The following RAD51D variants were observed in gnomAD, a reference collection of about 807,000 sequenced individuals.
RAD51D encodes the protein DNA repair protein RAD51 homolog 4.
In RAD51D, 38 loss-of-function variants were observed where a neutral mutation model predicts 44.1. The ratio of observed to expected loss-of-function variants is 0.86; its 90% CI spans 0.67 to 1.13. The LOEUF (loss-of-function observed/expected upper bound fraction) is 1.13, where lower values mean the gene tolerates loss of function less well. Ranked by LOEUF, RAD51D falls within the 50% of genes most tolerant of loss-of-function variation. The probability of loss-of-function intolerance (pLI) is 0.00; values close to 1 mark genes in which losing one functional copy is unlikely to be tolerated. For synonymous variants in RAD51D, 141 were observed against 166.6 expected, an observed-to-expected ratio of 0.85 and a Z score of 1.18; for missense variants, 390 against 414.0, an observed-to-expected ratio of 0.94 and a Z score of 0.50.
At chr17:35,108,497 T>TAAA (rs900458144) in intron 3 of RAD51D, among the ~76,000 whole-genome samples, 6 of 78,430 alleles carry the variant, frequency 7.7e-5, no homozygotes, top group South Asian at 4.3e-4. Context: ...CTTTTCTCTT[T>TAAA]AAAAAAAAAA....
chr17:35,096,513 T>C lies in RAD51D; in HGVS notation c.*4440A>G, dbSNP rs2091486511. ...AGAAGGATGCAAAGGCTCTACGCCA[T>C]TTGACAATGAGCCACTAAATTAACA... is the stretch of plus-strand genomic sequence containing the variant. On this transcript the variant is annotated 3_prime_UTR_variant, in exon 10 of 10. Transcript: ENST00000345365. 6.6e-6 allele frequency: 1 copy of C among 152,216 alleles called. No individual in the cohort carries two copies. The highest frequency in any genetic ancestry group is 6.5e-5 in the Admixed American group (1 of 15,276). The allele number at this position is 152,216 out of a possible 1,614,324, so 9.4% of individuals were successfully genotyped here. A position where few individuals can be genotyped will look rare whatever the true frequency, so the allele number is the denominator to read the frequency against.
rs374761868 is a variant in RAD51D, at chr17:35,103,240, G to A, written c.738+14C>T. The stretch of plus-strand genomic sequence containing the variant: ...ACTAGAAATCAAGTTCATTGGCCAA[G>A]CCTGCTTCCTCACCACCACTGCCAT... On this transcript the variant is annotated intron_variant, in intron 8 of 9. Transcript: ENST00000345365. The surrounding 1 kb of genome is among the most constrained non-coding windows in gnomAD (Gnocchi z 4.1). 8.7e-6 allele frequency: 14 copies of A among 1,603,004 alleles called. No homozygotes were observed. In the East Asian group the frequency reaches 3.1e-4, roughly 36 times the overall value.
chr17:35,117,679 G>A (rs1334517969), intron 3 of RAD51D, among the ~76,000 whole-genome samples: 3 of 152,096 alleles, frequency 2.0e-5, no homozygotes, highest in East Asian at 3.9e-4. Flanking sequence ...TAGTAGAGAC[G>A]GGGTTTCATC....
chr17:35,109,137 G>A (rs1447566938), intron 3 of RAD51D, among the ~76,000 whole-genome samples: 2 of 152,122 alleles, frequency 1.3e-5, no homozygotes, highest in East Asian at 3.8e-4. Flanking sequence ...AAAGTGCGGG[G>A]ATTACAGACA....
intron 3 of RAD51D, among the ~76,000 whole-genome samples, chr17:35,107,798 G>A (rs1403655662): frequency 7.2e-6 from 1 of 139,510 alleles, no homozygotes; most frequent in Non-Finnish European, 1.5e-5. Context: ...CCAGGCCGGA[G>A]TGCTGGAGTG....
In RAD51D at chr17:35,099,707, A is replaced by G. The variant is rs2091512530; in HGVS notation, c.*1246T>C. 5.1e-6 allele frequency: 2 copies of G among 393,006 alleles called. No individual in the cohort carries two copies. Among genetic ancestry groups the G allele is most frequent in the Admixed American group, 3.5e-5 (1 of 28,306 alleles). The allele number at this position is 393,006 out of a possible 1,614,324, so 24.3% of individuals were successfully genotyped here. A position where few individuals can be genotyped will look rare whatever the true frequency, so the allele number is the denominator to read the frequency against. On this transcript the variant is annotated 3_prime_UTR_variant, in exon 10 of 10. Coordinates refer to ENST00000345365, the MANE Select transcript of RAD51D (RefSeq NM_002878.4). ...GACCCTCCTTTCCTGCAGCCAAGAC[A>G]TAACTGATTAATTACACAACAGGCT...
At chr17:35,107,505 G>C (rs1326604255) in intron 3 of RAD51D, 58 bp from the exon 4 acceptor site, 16 of 1,347,910 alleles carry the variant, frequency 1.2e-5, no homozygotes, top group Non-Finnish European at 1.7e-5. Flanking sequence ...CAGGGGAAAA[G>C]GTACCAAGAA....
chr17:35,108,650 C>A (rs2142441689), intron 3 of RAD51D, among the ~76,000 whole-genome samples: 1 of 152,098 alleles, frequency 6.6e-6, no homozygotes, highest in South Asian at 2.1e-4. Flanking sequence ...GCCATTTTAT[C>A]ACATATGTAG....
At chr17:35,102,154 A>G (rs2091546548) in intron 8 of RAD51D, among the ~76,000 whole-genome samples, 1 of 152,038 alleles carries the variant, frequency 6.6e-6, no homozygotes, top group Non-Finnish European at 1.5e-5. Flanking sequence ...AAATGGACTC[A>G]GATGGTATTT....
intron 3 of RAD51D, among the ~76,000 whole-genome samples, chr17:35,112,059 T>C (rs2091684270): frequency 6.6e-6 from 1 of 152,218 alleles, no homozygotes; most frequent in African/African-American, 2.4e-5. Flanking sequence ...TAAATGGCAT[T>C]GTGTTTTTGT....
rs535814906 is a variant in RAD51D, at chr17:35,095,820, G to A, written c.*5133C>T. 1 of 152,212 alleles carries A rather than the reference G, an allele frequency of 6.6e-6. No individual in the cohort carries two copies. Among genetic ancestry groups the A allele is most frequent in the African/African-American group, 2.4e-5 (1 of 41,520 alleles). 9.4% of individuals were successfully genotyped at this position (152,212 alleles called of 1,614,324 possible). A position where few individuals can be genotyped will look rare whatever the true frequency, so the allele number is the denominator to read the frequency against. ...AAAAAGAAAAAAAAAATTGACCTGA[G>A]GAGGCTTTACTTGGGCCCTTAACAA... On this transcript the variant is annotated 3_prime_UTR_variant, in exon 10 of 10. Coordinates refer to ENST00000345365, the MANE Select transcript of RAD51D (RefSeq NM_002878.4).
chr17:35,110,018 A>G (rs2091656598), intron 3 of RAD51D, among the ~76,000 whole-genome samples: 1 of 142,372 alleles, frequency 7.0e-6, no homozygotes, highest in Non-Finnish European at 1.5e-5. Context: ...CACCCAGGCT[A>G]GAATTCAGTG....
At chr17:35,117,116 C>T (rs917875934) in intron 3 of RAD51D, 64 of 1,450,360 alleles carry the variant, frequency 4.4e-5, no homozygotes, top group Non-Finnish European at 5.9e-5. Context: ...TTGCCTCCCT[C>T]GGTGCTTACA....
At chr17:35,106,519 A>C in intron 5 of RAD51D, 38 bp from the exon 6 acceptor site, 1 of 1,501,666 alleles carries the variant, frequency 6.7e-7, no homozygotes, top group Non-Finnish European at 9.2e-7. Flanking sequence ...ACTTTGGATA[A>C]GAGGGAGTAG....
At chr17:35,116,926 G>T (rs754145314) in intron 3 of RAD51D, 1 of 1,611,538 alleles carries the variant, frequency 6.2e-7, no homozygotes, top group South Asian at 1.1e-5. Flanking sequence ...GTTCCTCCAT[G>T]CCCAAGTCCT....
chr17:35,119,363 A>G (rs1034923200), intron 1 of RAD51D, 169 bp downstream of exon 1: 4 of 932,456 alleles, frequency 4.3e-6, no homozygotes, highest in Middle Eastern at 2.9e-4. Context: ...ACCCTGTTTT[A>G]GAGCTTGGCT....
At chr17:35,105,489 A>G (rs1402749248) in intron 6 of RAD51D, among the ~76,000 whole-genome samples, 1 of 152,188 alleles carries the variant, frequency 6.6e-6, no homozygotes, top group East Asian at 1.9e-4. Flanking sequence ...AGTTTGTAAA[A>G]ATCATTGACT....
At chr17:35,104,563 T>C (rs556396569) in intron 6 of RAD51D, among the ~76,000 whole-genome samples, 13 of 152,358 alleles carry the variant, frequency 8.5e-5, no homozygotes, top group African/African-American at 2.9e-4. Context: ...TTTTGTATTT[T>C]TAGCAGAGAC....
At chr17:35,116,831 G>T in intron 3 of RAD51D, 1 of 1,464,472 alleles carries the variant, frequency 6.8e-7, no homozygotes, top group Non-Finnish European at 9.4e-7. Context: ...CTCATTGGTG[G>T]TTGTGACGAA....
Sources: allele counts gnomAD v4.1 joint callset (sites outside exome capture counted in the v4.1 genomes callset), GRCh38; gene constraint gnomAD v4.1.1; non-coding constraint Gnocchi (gnomAD v3.1); transcripts MANE v1.5; gene names NCBI Gene and HGNC (gene_info 2026-07-23, HGNC 2026-07-21).